The following JAKMIP1 variants were observed in gnomAD, a reference collection of about 807,000 sequenced individuals.
JAKMIP1 encodes janus kinase and microtubule interacting protein 1.
A neutral mutation model predicts 113.0 loss-of-function variants in JAKMIP1; 33 were observed. That is an observed-to-expected ratio of 0.29 (90% CI 0.22 to 0.39). JAKMIP1 has a LOEUF of 0.39. Ranked by LOEUF, JAKMIP1 falls within the 10% of genes least tolerant of loss-of-function variation. JAKMIP1 has a pLI of 1.00. For missense variants in JAKMIP1, 813 were observed against 1,080.5 expected (o/e 0.75, Z 3.47); for synonymous variants, 480 against 459.9 (o/e 1.04, Z -0.56).
In JAKMIP1 at chr4:6,183,534, A is replaced by C. The variant is rs1159058560; in HGVS notation, c.-148+16719T>G. On this transcript the variant is annotated intron_variant, in intron 1 of 20. Transcript: ENST00000409021. The surrounding 1 kb of genome is among the most constrained non-coding windows in gnomAD (Gnocchi z 5.3). ...TTTAAAAAAGAAAGTAAAATGGAAC[A>C]GAAACTTCAGTACTCAGGGTGCTGG... is the stretch of plus-strand genomic sequence containing the variant. 8.1e-6 allele frequency among the ~76,000 whole-genome samples: 1 copy of C among 123,610 alleles called. No individual in the cohort carries two copies. Among genetic ancestry groups the C allele is most frequent in the East Asian group, 2.3e-4 (1 of 4,430 alleles). 81.1% of individuals were successfully genotyped at this position (123,610 alleles called of 152,430 possible).
Position 6,108,033 on chromosome 4 carries a change from T to C in JAKMIP1, c.130-2066A>G, listed in dbSNP as rs553721293. On this transcript the variant is annotated intron_variant, in intron 2 of 20. Coordinates refer to ENST00000409021, the MANE Select transcript of JAKMIP1 (RefSeq NM_001099433.2). This position sits in a 1 kb window ranked among gnomAD's most constrained non-coding sequence, Gnocchi z 5.6. Reference sequence around the variant, plus strand: ...GAACATGGAAGGGTGGGCAGAGGCCTGTGCAGGGCAGCCCGGGGCGTCTAG... The same window carrying C: ...GAACATGGAAGGGTGGGCAGAGGCCCGTGCAGGGCAGCCCGGGGCGTCTAG... Among the ~76,000 whole-genome samples, 3 of 152,192 alleles carry C rather than the reference T, an allele frequency of 2.0e-5. No homozygotes were observed. In the South Asian group the frequency reaches 6.2e-4, roughly 32 times the overall value.
At chr4:6,060,919 T>C (rs920628624) in intron 10 of JAKMIP1, among the ~76,000 whole-genome samples, 9 of 152,294 alleles carry the variant, frequency 5.9e-5, no homozygotes, top group African/African-American at 1.9e-4. Flanking sequence ...GCTGGCACAA[T>C]TGCATAGCCC....
intron 1 of JAKMIP1, among the ~76,000 whole-genome samples, chr4:6,160,519 T>C (rs2109001027): frequency 1.3e-5 from 2 of 152,272 alleles, no homozygotes; most frequent in South Asian, 4.2e-4. Context: ...TCCCGCATGC[T>C]GCATGCCCTG....
chr4:6,032,195 C>A (rs558740705), intron 19 of JAKMIP1, among the ~76,000 whole-genome samples: 3 of 152,184 alleles, frequency 2.0e-5, no homozygotes, highest in African/African-American at 7.2e-5. Flanking sequence ...ATGGGATCTG[C>A]AGGACAATGC....
intron 8 of JAKMIP1, among the ~76,000 whole-genome samples, chr4:6,074,490 A>G (rs1719424901): frequency 6.6e-6 from 1 of 152,234 alleles, no homozygotes; most frequent in Non-Finnish European, 1.5e-5. Context: ...TGTGATGGAC[A>G]GAGAGTGATG....
chr4:6,038,795 C>T (rs1325942190), intron 18 of JAKMIP1, among the ~76,000 whole-genome samples: 1 of 152,216 alleles, frequency 6.6e-6, no homozygotes, highest in East Asian at 1.9e-4. Flanking sequence ...CCTGCAGGCT[C>T]ACCCCTTCTC....
intron 8 of JAKMIP1, among the ~76,000 whole-genome samples, chr4:6,068,674 C>T (rs1200715143): frequency 6.7e-6 from 1 of 150,124 alleles, no homozygotes; most frequent in Non-Finnish European, 1.5e-5. Context: ...TCTTCTGCTT[C>T]AGCCTCCCAA....
chr4:6,146,229 T>G (rs1286296568), intron 1 of JAKMIP1, among the ~76,000 whole-genome samples: 18 of 135,676 alleles, frequency 1.3e-4, no homozygotes, highest in East Asian at 2.1e-4. Flanking sequence ...TGCCAGGGGC[T>G]GGGGGGAGGT....
chr4:6,149,271 T>C (rs1721262946), intron 1 of JAKMIP1, among the ~76,000 whole-genome samples: 1 of 151,756 alleles, frequency 6.6e-6, no homozygotes, highest in Non-Finnish European at 1.5e-5. Context: ...AATGTGAGAG[T>C]TTCAGAAGAG....
rs1719422983 is a variant in JAKMIP1, at chr4:6,137,551, T to C, written c.-147-24554A>G. On this transcript the variant is annotated intron_variant, in intron 1 of 20. Transcript: ENST00000409021. This position sits in a 1 kb window ranked among gnomAD's most constrained non-coding sequence, Gnocchi z 4.5. ...TCAGGAGCTGTGATTTGGTTGAACG[T>C]TCCAGATGGCCTCACTCGAGAGACG... Among the ~76,000 whole-genome samples the C allele has an allele frequency of 6.6e-6, 1 of 152,212 alleles. No homozygotes were observed. Among genetic ancestry groups the C allele is most frequent in the Non-Finnish European group, 1.5e-5 (1 of 68,044 alleles).
chr4:6,060,282 C>T, intron 11 of JAKMIP1, 142 bp downstream of exon 11: 1 of 695,610 alleles, frequency 1.4e-6, no homozygotes, highest in Non-Finnish European at 2.6e-6. Flanking sequence ...CTGGGTTCTG[C>T]TAGTGTTTTT....
At chr4:6,114,938 C>A (rs2108894940) in intron 1 of JAKMIP1, among the ~76,000 whole-genome samples, 1 of 152,310 alleles carries the variant, frequency 6.6e-6, no homozygotes, top group Admixed American at 6.5e-5. Flanking sequence ...GTGGCCACTT[C>A]TAGGAATGTG....
chr4:6,190,030 A>G (rs547747299), intron 1 of JAKMIP1, among the ~76,000 whole-genome samples: 10 of 152,296 alleles, frequency 6.6e-5, no homozygotes, highest in African/African-American at 2.4e-4. Context: ...GCCTGTCTGA[A>G]TCTAGCCCCA....
chr4:6,186,722 C>G lies in JAKMIP1; in HGVS notation c.-148+13531G>C, dbSNP rs1166074347. Among the ~76,000 whole-genome samples the G allele has an allele frequency of 6.6e-6, 1 of 152,184 alleles. No individual in the cohort carries two copies. Among genetic ancestry groups the G allele is most frequent in the Non-Finnish European group, 1.5e-5 (1 of 68,040 alleles). On this transcript the variant is annotated intron_variant, in intron 1 of 20. Coordinates refer to ENST00000409021, the MANE Select transcript of JAKMIP1 (RefSeq NM_001099433.2). This position sits in a 1 kb window ranked among gnomAD's most constrained non-coding sequence, Gnocchi z 5.5. ...GCAGTGTTGTTCAAGTTCCCTGCTTCCTTGTTGACCTCCTGTAGAGTTGTT... is the reference window on the plus strand; with the variant it reads ...GCAGTGTTGTTCAAGTTCCCTGCTTGCTTGTTGACCTCCTGTAGAGTTGTT...
chr4:6,059,231 T>A lies in JAKMIP1; in HGVS notation c.1644+1193A>T, dbSNP rs1716911414. Among the ~76,000 whole-genome samples the A allele has an allele frequency of 6.6e-6, 1 of 152,216 alleles. No individual in the cohort carries two copies. The highest frequency in any genetic ancestry group is 1.5e-5 in the Non-Finnish European group (1 of 68,036). ...CCCCACGCAGTCCATTGGTAAAGTC[T>A]GCTGTGGTGACCTGCTCTGTGCCAG... On this transcript the variant is annotated intron_variant, in intron 11 of 20. Transcript: ENST00000409021. The surrounding 1 kb of genome is among the most constrained non-coding windows in gnomAD (Gnocchi z 4.8).
rs887746697 is a variant in JAKMIP1, at chr4:6,086,755, A to G, written c.625-1126T>C. Among the ~76,000 whole-genome samples the G allele has an allele frequency of 6.6e-6, 1 of 152,110 alleles. No homozygotes were observed. The highest frequency in any genetic ancestry group is 1.5e-5 in the Non-Finnish European group (1 of 68,026). On this transcript the variant is annotated intron_variant, in intron 3 of 20. Coordinates refer to ENST00000409021, the MANE Select transcript of JAKMIP1 (RefSeq NM_001099433.2). This position sits in a 1 kb window ranked among gnomAD's most constrained non-coding sequence, Gnocchi z 4.1. ...GGGTAACTGCAGGTGCAATTAGTTA[A>G]GATGAGGTCATCCTGGAGCAGGGTG...
In JAKMIP1 at chr4:6,035,970, C is replaced by T. The variant is rs977486486; in HGVS notation, c.2313G>A (p.Arg771=). Residue 771 remains arginine, a synonymous_variant, in exon 19 of 21, where the codon AGG becomes AGA. Transcript: ENST00000409021. The part of the protein sequence containing the change: ...AVEKVRRQIL[R]QSREFDSQIL... Reference sequence around the variant, plus strand: ...TCTGGCTGTCGAACTCGCGGCTCTGCCTGAGGATCTGCCTGCGCACCTTTT... The same window carrying T: ...TCTGGCTGTCGAACTCGCGGCTCTGTCTGAGGATCTGCCTGCGCACCTTTT... 6.4e-7 allele frequency: 1 copy of T among 1,551,530 alleles called. No individual in the cohort carries two copies. The highest frequency in any genetic ancestry group is 8.7e-7 in the Non-Finnish European group (1 of 1,146,990).
chr4:6,167,684 C>T lies in JAKMIP1; in HGVS notation c.-148+32569G>A, dbSNP rs542834399. 2.0e-5 allele frequency among the ~76,000 whole-genome samples: 3 copies of T among 152,310 alleles called. No individual in the cohort carries two copies. Among genetic ancestry groups the T allele is most frequent in the East Asian group, 1.9e-4 (1 of 5,172 alleles). On this transcript the variant is annotated intron_variant, in intron 1 of 20. Transcript: ENST00000409021. The surrounding 1 kb of genome is among the most constrained non-coding windows in gnomAD (Gnocchi z 5.3). Reference sequence around the variant, plus strand: ...GCCGGGCACTGAGCTTAGAGTGACACGTGTCAGCTCCCTCCACCCCACCAT... The same window carrying T: ...GCCGGGCACTGAGCTTAGAGTGACATGTGTCAGCTCCCTCCACCCCACCAT...
intron 1 of JAKMIP1, among the ~76,000 whole-genome samples, chr4:6,166,783 C>T (rs1723692515): frequency 6.6e-6 from 1 of 152,208 alleles, no homozygotes; most frequent in African/African-American, 2.4e-5. Context: ...GCTCAAATGG[C>T]CACAGGGCCT....
Sources: gnomAD v4.1 joint callset for allele counts (sites outside exome capture counted in the v4.1 genomes callset) on GRCh38, gnomAD v4.1.1 for gene constraint, Gnocchi (gnomAD v3.1) non-coding constraint, MANE v1.5 for transcripts, NCBI Gene and HGNC (gene_info 2026-07-23, HGNC 2026-07-21) for gene names.